Variants in MIPOL1 observed in about 807,000 individuals in gnomAD.
The protein encoded by MIPOL1 is mirror-image polydactyly gene 1 protein.
In MIPOL1, 57 loss-of-function variants were observed where a neutral mutation model predicts 60.9. The ratio of observed to expected loss-of-function variants is 0.94; its 90% CI spans 0.76 to 1.17. MIPOL1 has a LOEUF of 1.17. Among genes scored for constraint, MIPOL1 ranks in the 50% most tolerant of loss-of-function variants. MIPOL1 has a pLI of 0.00. For synonymous variants in MIPOL1, 179 were observed against 168.8 expected, an observed-to-expected ratio of 1.06 and a Z score of -0.47; for missense variants, 551 against 511.6, an observed-to-expected ratio of 1.08 and a Z score of -0.74.
chr14:37,297,049 A>G (rs1334589944), intron 7 of MIPOL1, among the ~76,000 whole-genome samples: 3 of 152,204 alleles, frequency 2.0e-5, no homozygotes, highest in African/African-American at 7.2e-5. Flanking sequence ...TGATGCAAAA[A>G]TCCTCAATAA....
At chr14:37,475,475 TACATCTAAC>T (rs1443625454) in intron 11 of MIPOL1, among the ~76,000 whole-genome samples, 1 of 152,196 alleles carries the variant, frequency 6.6e-6, no homozygotes, top group Non-Finnish European at 1.5e-5. Context: ...TTTTTGGTGA[TACATCTAAC>T]AACTGATCAT....
In MIPOL1 at chr14:37,267,104, G is replaced by A. The variant is rs372272561; in HGVS notation, c.186G>A (p.Thr62=). Reference sequence around the variant, plus strand: ...CAGAATGGCCAGGGCAGAGATCAACGAATTTTCAGATCATCAGTTCTTATC... The same window carrying A: ...CAGAATGGCCAGGGCAGAGATCAACAAATTTTCAGATCATCAGTTCTTATC... ...ENTEWPGQRS[T]NFQIISSYPD... The change falls in exon 4 of 13, where the codon ACG becomes ACA. Residue 62 remains threonine (T), a synonymous_variant. Coordinates refer to ENST00000684589, the MANE Select transcript of MIPOL1 (RefSeq NM_001388067.1). The A allele has an allele frequency of 4.3e-6, 7 of 1,613,928 alleles. No homozygotes were observed. The highest frequency in any genetic ancestry group is 5.9e-6 in the Non-Finnish European group (7 of 1,179,936).
chr14:37,356,930 C>T (rs1208990799), intron 9 of MIPOL1, among the ~76,000 whole-genome samples: 1 of 152,120 alleles, frequency 6.6e-6, no homozygotes, highest in African/African-American at 2.4e-5. Context: ...TTGGCTCCTC[C>T]CCCCAGGATC....
intron 11 of MIPOL1, among the ~76,000 whole-genome samples, chr14:37,438,819 A>G (rs914816583): frequency 2.6e-5 from 4 of 152,226 alleles, no homozygotes; most frequent in African/African-American, 9.6e-5. Context: ...CTCTAGCATT[A>G]TATCATATGT....
At chr14:37,500,412 T>C (rs1468109331) in intron 12 of MIPOL1, among the ~76,000 whole-genome samples, 1 of 152,142 alleles carries the variant, frequency 6.6e-6, no homozygotes, top group East Asian at 1.9e-4. Context: ...TTAAATCATT[T>C]CACAGTCACA....
Position 37,346,328 on chromosome 14 carries a change from CA to C in MIPOL1, c.829-23182del, listed in dbSNP as rs539454240. On this transcript the variant is annotated intron_variant, in intron 9 of 12. Coordinates refer to ENST00000684589, the MANE Select transcript of MIPOL1 (RefSeq NM_001388067.1). ...TGGGTGACACAGTGAGACTCCGTCT[CA>C]AAAAAATAAAAAAATAACTGAAGGT... 3.1e-3 allele frequency among the ~76,000 whole-genome samples: 467 copies of C among 151,982 alleles called. 3 individuals carry two copies. The highest frequency in any genetic ancestry group is 9.6e-3 in the African/African-American group (399 of 41,496).
At chr14:37,541,838 T>A (rs1345436608) in intron 12 of MIPOL1, among the ~76,000 whole-genome samples, 1 of 152,212 alleles carries the variant, frequency 6.6e-6, no homozygotes, top group African/African-American at 2.4e-5. Flanking sequence ...ATGCTTATGA[T>A]CCATTCCTCA....
chr14:37,236,532 G>T (rs989872867), intron 1 of MIPOL1, among the ~76,000 whole-genome samples: 26 of 152,014 alleles, frequency 1.7e-4, no homozygotes, highest in African/African-American at 6.3e-4. Context: ...TGCCTCCCGG[G>T]TTCAAGCGAT....
In MIPOL1 at chr14:37,370,113, G is replaced by C. The variant is rs182404021; in HGVS notation, c.936+489G>C. ...AGGTACTTAGAATGTTACAATAAAA[G>C]AGAGAGAAAGATGGTAAATAATAAA... On this transcript the variant is annotated intron_variant, in intron 10 of 12. Transcript: ENST00000684589. Among the ~76,000 whole-genome samples, 254 of 152,242 alleles carry C rather than the reference G, an allele frequency of 1.7e-3. 1 individual carries two copies. Among genetic ancestry groups the C allele is most frequent in the African/African-American group, 5.8e-3 (240 of 41,558 alleles).
At chr14:37,409,348 C>G (rs1215739985) in intron 10 of MIPOL1, among the ~76,000 whole-genome samples, 1 of 151,814 alleles carries the variant, frequency 6.6e-6, no homozygotes, top group Non-Finnish European at 1.5e-5. Context: ...GAACCACAAC[C>G]CTGAGTTATC....
chr14:37,463,598 A>G (rs896354598), intron 11 of MIPOL1, among the ~76,000 whole-genome samples: 1 of 152,232 alleles, frequency 6.6e-6, no homozygotes, highest in Non-Finnish European at 1.5e-5. Context: ...CACCATATAC[A>G]GGAATTAACT....
chr14:37,436,166 A>C (rs1245977779), intron 11 of MIPOL1, among the ~76,000 whole-genome samples: 1 of 152,206 alleles, frequency 6.6e-6, no homozygotes, highest in Non-Finnish European at 1.5e-5. Flanking sequence ...TGTTAAAAAA[A>C]ATACTACCAA....
intron 12 of MIPOL1, among the ~76,000 whole-genome samples, chr14:37,523,065 A>G (rs1430038293): frequency 6.6e-6 from 1 of 152,134 alleles, no homozygotes; most frequent in Non-Finnish European, 1.5e-5. Flanking sequence ...CTCTACTCTA[A>G]GTAAATGTCT....
chr14:37,265,276 T>G (rs2082793258), intron 3 of MIPOL1: 1 of 152,176 alleles, frequency 6.6e-6, no homozygotes, highest in African/African-American at 2.4e-5. Flanking sequence ...TCCTAGAGTC[T>G]TCCAGGTGAG....
chr14:37,422,808 C>A, intron 10 of MIPOL1, 47 bp from the exon 11 acceptor site: 1 of 1,280,764 alleles, frequency 7.8e-7, no homozygotes, highest in Non-Finnish European at 1.1e-6. Flanking sequence ...TGTATTTTAT[C>A]ATACCAAAAT....
intron 3 of MIPOL1, among the ~76,000 whole-genome samples, chr14:37,257,208 T>C (rs1203144079): frequency 2.0e-5 from 3 of 151,616 alleles, no homozygotes; most frequent in African/African-American, 7.3e-5. Context: ...ATATAGAGTA[T>C]AATGATTTCC....
intron 11 of MIPOL1, among the ~76,000 whole-genome samples, chr14:37,483,071 A>G (rs1028403807): frequency 1.3e-5 from 2 of 151,994 alleles, no homozygotes; most frequent in African/African-American, 4.8e-5. Flanking sequence ...TTAGGGAATA[A>G]TCACTACAAA....
chr14:37,289,443 A>T (rs1349361314), intron 7 of MIPOL1, among the ~76,000 whole-genome samples: 1 of 152,208 alleles, frequency 6.6e-6, no homozygotes, highest in Non-Finnish European at 1.5e-5. Flanking sequence ...CTTCTAACTG[A>T]CCAGCTTCAA....
chr14:37,390,113 G>A (rs7146593), intron 10 of MIPOL1, among the ~76,000 whole-genome samples: 33,147 of 151,898 alleles, frequency 0.22, 4,087 homozygotes, highest in South Asian at 0.33. Flanking sequence ...CAGCTACTCC[G>A]GAGGCTGAAG....
Sources: gnomAD v4.1 joint callset for allele counts (sites outside exome capture counted in the v4.1 genomes callset) on GRCh38, gnomAD v4.1.1 for gene constraint, MANE v1.5 for transcripts, NCBI Gene and HGNC (gene_info 2026-07-23, HGNC 2026-07-21) for gene names.